The following ETFA variants were observed in gnomAD, a reference collection of about 807,000 sequenced individuals.
ETFA encodes the protein electron transfer flavoprotein subunit alpha, mitochondrial.
ETFA carries 22 observed loss-of-function variants against 46.2 expected under a neutral mutation model. The observed-to-expected ratio is 0.48, with a 90% CI of 0.34 to 0.68. The LOEUF (loss-of-function observed/expected upper bound fraction) is 0.68. Ranked by LOEUF, ETFA falls within the 30% of genes least tolerant of loss-of-function variation. ETFA has a pLI of 0.01. For missense variants in ETFA, 345 were observed against 401.1 expected (o/e 0.86, Z 1.19); for synonymous variants, 131 against 139.9 (o/e 0.94, Z 0.45).
rs1201287530 is a variant in ETFA, at chr15:76,301,988, CA to C, written c.40-6252del. Among the ~76,000 whole-genome samples, 4 of 152,190 alleles carry C rather than the reference CA, an allele frequency of 2.6e-5. No homozygotes were observed. In the East Asian group the frequency reaches 7.7e-4, roughly 29 times the overall value. The stretch of plus-strand genomic sequence containing the variant: ...GAAATTGCAAATTAAAACGAGATAC[CA>C]CTACACACTTATTAGAATGGTAAAA... On this transcript the variant is annotated intron_variant, in intron 1 of 11. Transcript: ENST00000557943.
intron 9 of ETFA, among the ~76,000 whole-genome samples, chr15:76,241,343 A>T (rs1596195301): frequency 6.6e-6 from 1 of 152,078 alleles, no homozygotes; most frequent in East Asian, 1.9e-4. Flanking sequence ...TCTACAAAAA[A>T]TAAAAAACAA....
chr15:76,259,994 T>G (rs1159954492), intron 9 of ETFA: 4 of 1,456,636 alleles, frequency 2.7e-6, no homozygotes, highest in Non-Finnish European at 3.8e-6. Flanking sequence ...AACTCCTTCA[T>G]GCAAGCTGCT....
At chr15:76,283,663 G>T in intron 8 of ETFA, 94 bp downstream of exon 8, 1 of 895,250 alleles carries the variant, frequency 1.1e-6, no homozygotes, top group Non-Finnish European at 1.8e-6. Flanking sequence ...AAAATAATTT[G>T]TAGGGCTGAA....
chr15:76,254,108 G>C (rs867796654), intron 9 of ETFA, among the ~76,000 whole-genome samples: 3 of 152,224 alleles, frequency 2.0e-5, no homozygotes, highest in Admixed American at 1.3e-4. Context: ...GGCATTTGCA[G>C]ATTCCCCACA....
At chr15:76,234,838 T>C (rs1174514738) in intron 9 of ETFA, among the ~76,000 whole-genome samples, 3 of 152,156 alleles carry the variant, frequency 2.0e-5, no homozygotes, top group Admixed American at 6.5e-5. Flanking sequence ...AAACAAGTAC[T>C]GGCAGAAAAA....
In ETFA at chr15:76,298,879, G is replaced by T. The variant is rs544682327; in HGVS notation, c.40-3142C>A. On this transcript the variant is annotated intron_variant, in intron 1 of 11. Coordinates refer to ENST00000557943, the MANE Select transcript of ETFA (RefSeq NM_000126.4). ...CTCTAAAATCCTATTTTAAGCAGAA[G>T]AGTAGTACAGAATATGACTAAAGAG... is the stretch of plus-strand genomic sequence containing the variant. 2.6e-5 allele frequency among the ~76,000 whole-genome samples: 4 copies of T among 152,204 alleles called. 1 individual carries two copies. In the South Asian group the frequency reaches 8.3e-4, roughly 32 times the overall value.
intron 9 of ETFA, among the ~76,000 whole-genome samples, chr15:76,244,463 G>A (rs1229600533): frequency 1.3e-5 from 2 of 151,964 alleles, no homozygotes; most frequent in African/African-American, 4.8e-5. Context: ...ATAGTTAAAC[G>A]ATGTTATTAA....
chr15:76,293,465 C>T (rs2039787448), intron 2 of ETFA, among the ~76,000 whole-genome samples: 1 of 152,160 alleles, frequency 6.6e-6, no homozygotes, highest in Non-Finnish European at 1.5e-5. Context: ...TATGACAAAG[C>T]AAAATATTTC....
At position 76,260,167 on chromosome 15, in the gene ETFA, G is replaced by A. The variant is rs2039392288; in HGVS notation, c.816+14245C>T. The A allele has an allele frequency of 2.8e-6, 4 of 1,438,668 alleles. No individual in the cohort carries two copies. The Admixed American group carries it at 6.7e-5, about 24-fold the overall frequency. 89.1% of individuals were successfully genotyped at this position (1,438,668 alleles called of 1,614,324 possible). On this transcript the variant is annotated intron_variant, in intron 9 of 11. Transcript: ENST00000557943. ...CCAGCCAGGGTGAACTGCTGCTCTG[G>A]GATGAGCACATCCTCCAGTTTTTCC...
At chr15:76,259,708 C>CA (rs1017451071) in intron 9 of ETFA, 23 of 1,357,794 alleles carry the variant, frequency 1.7e-5, no homozygotes, top group Admixed American at 5.0e-5. Context: ...CAGCCACACA[C>CA]ACGGTCATGT....
At chr15:76,286,325 T>TA (rs1397128453) in intron 6 of ETFA, 46 bp downstream of exon 6, 13 of 1,103,608 alleles carry the variant, frequency 1.2e-5, no homozygotes, top group Non-Finnish European at 1.6e-5. Flanking sequence ...GTCTATGAAT[T>TA]AAAAAAGTAA....
intron 8 of ETFA, among the ~76,000 whole-genome samples, chr15:76,279,013 G>A (rs548690212): frequency 6.6e-6 from 1 of 152,278 alleles, no homozygotes; most frequent in South Asian, 2.1e-4. Context: ...CATCAGCATA[G>A]AAGCATGTTA....
intron 5 of ETFA, 85 bp from the exon 6 acceptor site, chr15:76,286,566 G>C (rs541865648): frequency 1.2e-6 from 1 of 813,028 alleles, no homozygotes; most frequent in East Asian, 2.6e-5. Context: ...TTACTTCACA[G>C]ACAAGGCAAG....
intron 1 of ETFA, among the ~76,000 whole-genome samples, chr15:76,295,962 G>GTTTTTT (rs1389640061): frequency 1.2e-4 from 1 of 8,564 alleles, no homozygotes; most frequent in Non-Finnish European, 3.8e-4. Flanking sequence ...TTTTTTTTGA[G>GTTTTTT]ATGGAGTCTC....
At chr15:76,306,309 C>T (rs2141557679) in intron 1 of ETFA, among the ~76,000 whole-genome samples, 1 of 142,428 alleles carries the variant, frequency 7.0e-6, no homozygotes, top group African/African-American at 2.6e-5. Flanking sequence ...CTCAGTCGCC[C>T]AGACTGCAGT....
chr15:76,277,110 T>C (rs1416362471), intron 8 of ETFA, among the ~76,000 whole-genome samples: 3 of 152,222 alleles, frequency 2.0e-5, no homozygotes, highest in African/African-American at 4.8e-5. Context: ...GGTGACGTCT[T>C]GGTCTTTTAC....
intron 4 of ETFA, among the ~76,000 whole-genome samples, chr15:76,291,628 T>TAC (rs1399463882): frequency 6.7e-6 from 1 of 149,216 alleles, no homozygotes; most frequent in East Asian, 2.0e-4. Flanking sequence ...CGGGCGCCTG[T>TAC]AGTCCCAGCT....
chr15:76,278,188 T>A (rs1211319550), intron 8 of ETFA, among the ~76,000 whole-genome samples: 1 of 152,150 alleles, frequency 6.6e-6, no homozygotes, highest in African/African-American at 2.4e-5. Flanking sequence ...CCCACCACCC[T>A]ACCTCAGCCA....
intron 8 of ETFA, among the ~76,000 whole-genome samples, chr15:76,277,644 A>C (rs2039608279): frequency 6.6e-6 from 1 of 152,182 alleles, no homozygotes; most frequent in Non-Finnish European, 1.5e-5. Flanking sequence ...CTGAGACTAC[A>C]GGTGCGTGCT....
Sources: allele counts gnomAD v4.1 joint callset (sites outside exome capture counted in the v4.1 genomes callset), GRCh38; gene constraint gnomAD v4.1.1; transcripts MANE v1.5; gene names NCBI Gene and HGNC (gene_info 2026-07-23, HGNC 2026-07-21).